Variants in LRRIQ3 observed in about 807,000 individuals in gnomAD.
The protein encoded by LRRIQ3 is leucine rich repeats and IQ motif containing 3, also known as leucine-rich repeat and IQ domain-containing protein 3.
LRRIQ3 carries 75 observed loss-of-function variants against 59.3 expected under a neutral mutation model. The ratio of observed to expected loss-of-function variants is 1.26; its 90% CI spans 1.05 to 1.53. The LOEUF (loss-of-function observed/expected upper bound fraction) is 1.53, where lower values mean the gene tolerates loss of function less well. Among genes scored for constraint, LRRIQ3 ranks in the 40% most tolerant of loss-of-function variants. The pLI, the probability that LRRIQ3 is intolerant of heterozygous loss-of-function variation, is 0.00. For missense variants in LRRIQ3, 831 were observed against 710.0 expected, an observed-to-expected ratio of 1.17 and a Z score of -1.94; for synonymous variants, 250 against 231.3, an observed-to-expected ratio of 1.08 and a Z score of -0.73.
chr1:74,124,746 G>A (rs951679121), intron 4 of LRRIQ3, among the ~76,000 whole-genome samples: 2 of 151,840 alleles, frequency 1.3e-5, no homozygotes, highest in African/African-American at 4.8e-5. Flanking sequence ...GTCCTATGTT[G>A]TTTTGGTTAC....
At chr1:74,153,453 C>T (rs1046642050) in intron 4 of LRRIQ3, among the ~76,000 whole-genome samples, 5 of 152,118 alleles carry the variant, frequency 3.3e-5, no homozygotes, top group African/African-American at 7.2e-5. Flanking sequence ...CTATAGTTGC[C>T]TCTCAGGGGA....
intron 6 of LRRIQ3, among the ~76,000 whole-genome samples, chr1:74,072,733 C>A (rs183621380): frequency 1.9e-4 from 29 of 151,968 alleles, no homozygotes; most frequent in African/African-American, 6.5e-4. Flanking sequence ...CAGACTGAAC[C>A]ATTTTGAAAA....
intron 6 of LRRIQ3, among the ~76,000 whole-genome samples, chr1:74,061,851 T>A (rs1557598467): frequency 6.6e-6 from 1 of 152,016 alleles, no homozygotes; most frequent in Non-Finnish European, 1.5e-5. Flanking sequence ...GCTGCATAAC[T>A]TAGTGAGACC....
intron 4 of LRRIQ3, among the ~76,000 whole-genome samples, chr1:74,133,768 A>T (rs1647070600): frequency 6.6e-6 from 1 of 152,184 alleles, no homozygotes; most frequent in African/African-American, 2.4e-5. Context: ...GTAAATGACG[A>T]GTTAATGGGT....
chr1:74,136,844 T>C (rs908253308), intron 4 of LRRIQ3, among the ~76,000 whole-genome samples: 1 of 152,010 alleles, frequency 6.6e-6, no homozygotes, highest in Non-Finnish European at 1.5e-5. Flanking sequence ...CTTTGATTCA[T>C]TTTATACTGC....
At chr1:74,053,973 A>T (rs1316815941) in intron 6 of LRRIQ3, among the ~76,000 whole-genome samples, 1 of 152,134 alleles carries the variant, frequency 6.6e-6, no homozygotes, top group Non-Finnish European at 1.5e-5. Flanking sequence ...AAAACTAAAG[A>T]TATTCTCACT....
intron 1 of LRRIQ3, among the ~76,000 whole-genome samples, chr1:74,186,542 C>A (rs1650391322): frequency 1.3e-5 from 2 of 152,060 alleles, no homozygotes; most frequent in Admixed American, 1.3e-4. Flanking sequence ...CCCCTCCCAC[C>A]AAAATTCTTA....
chr1:74,151,197 T>C (rs1647920256), intron 4 of LRRIQ3, among the ~76,000 whole-genome samples: 1 of 151,954 alleles, frequency 6.6e-6, no homozygotes, highest in Non-Finnish European at 1.5e-5. Context: ...TTTGTATTTT[T>C]AGTAGAGACG....
intron 3 of LRRIQ3, chr1:74,180,922 G>A (rs1649939361): frequency 1.2e-6 from 1 of 804,228 alleles, no homozygotes; most frequent in Non-Finnish European, 1.9e-6. Context: ...CTTTTCTTTA[G>A]CAACTAACAC....
intron 6 of LRRIQ3, among the ~76,000 whole-genome samples, chr1:74,070,979 AAT>A (rs10551311): frequency 0.85 from 126,291 of 148,534 alleles, 54,548 homozygotes; most frequent in East Asian, 0.97. Flanking sequence ...TATATATATC[AAT>A]ATATATATAT....
intron 6 of LRRIQ3, among the ~76,000 whole-genome samples, chr1:74,060,650 T>C (rs1013763453): frequency 2.6e-5 from 4 of 151,914 alleles, no homozygotes; most frequent in African/African-American, 7.3e-5. Context: ...TCCCAGCTAA[T>C]AGAGATCACT....
intron 4 of LRRIQ3, among the ~76,000 whole-genome samples, chr1:74,124,087 G>A (rs747171163): frequency 1.2e-4 from 18 of 151,828 alleles, no homozygotes; most frequent in Non-Finnish European, 1.8e-4. Flanking sequence ...TCTCAATGTA[G>A]CTTTGATTTA....
intron 7 of LRRIQ3, among the ~76,000 whole-genome samples, chr1:74,033,028 A>C (rs925432731): frequency 1.3e-5 from 2 of 152,046 alleles, no homozygotes; most frequent in Non-Finnish European, 2.9e-5. Flanking sequence ...GAAATAGATA[A>C]ATTATCTTGT....
At chr1:74,192,548 G>T (rs1269570069) in intron 1 of LRRIQ3, among the ~76,000 whole-genome samples, 2 of 152,010 alleles carry the variant, frequency 1.3e-5, no homozygotes, top group African/African-American at 4.8e-5. Context: ...TAGTTGATGT[G>T]ATATGAACAC....
At chr1:74,102,058 TTA>T (rs1646543088) in intron 5 of LRRIQ3, among the ~76,000 whole-genome samples, 1 of 143,692 alleles carries the variant, frequency 7.0e-6, no homozygotes, top group Non-Finnish European at 1.5e-5. Context: ...TAAAGTATAA[TTA>T]AAAAAAAAAA....
At chr1:74,139,748 A>G (rs897831268) in intron 4 of LRRIQ3, among the ~76,000 whole-genome samples, 35 of 152,132 alleles carry the variant, frequency 2.3e-4, no homozygotes, top group African/African-American at 8.2e-4. Context: ...TATAACCCAT[A>G]GATAAAATTA....
intron 4 of LRRIQ3, among the ~76,000 whole-genome samples, chr1:74,124,500 C>A (rs1359874526): frequency 1.3e-5 from 2 of 151,734 alleles, no homozygotes; most frequent in Non-Finnish European, 2.9e-5. Flanking sequence ...GAGGTATTAG[C>A]GTTAAGCTGC....
rs2100516945 is a variant in LRRIQ3, at chr1:74,091,194, T to C, written c.868-16404A>G. Reference sequence around the variant, plus strand: ...AGCTACAGCATGATACAAGTAAACATGGAATAAAACAGGCTGTAAATTAAA... The same window carrying C: ...AGCTACAGCATGATACAAGTAAACACGGAATAAAACAGGCTGTAAATTAAA... On this transcript the variant is annotated intron_variant, in intron 5 of 7. Coordinates refer to ENST00000354431, the MANE Select transcript of LRRIQ3 (RefSeq NM_001105659.2). Among the ~76,000 whole-genome samples, 3 of 152,152 alleles carry C rather than the reference T, an allele frequency of 2.0e-5. No individual in the cohort carries two copies. In the Middle Eastern group the frequency reaches 0.01, roughly 518 times the overall value.
At chr1:74,097,102 G>A (rs1442891534) in intron 5 of LRRIQ3, among the ~76,000 whole-genome samples, 5 of 152,038 alleles carry the variant, frequency 3.3e-5, no homozygotes, top group African/African-American at 1.2e-4. Context: ...TAAGTCTGCC[G>A]AGGTTTCTGC....
Sources: gnomAD v4.1 joint callset for allele counts (sites outside exome capture counted in the v4.1 genomes callset) on GRCh38, gnomAD v4.1.1 for gene constraint, MANE v1.5 for transcripts, NCBI Gene and HGNC (gene_info 2026-07-23, HGNC 2026-07-21) for gene names.